The following LMCD1 variants were observed in gnomAD, a reference collection of about 807,000 sequenced individuals.
LMCD1 encodes LIM and cysteine-rich domains protein 1.
In LMCD1, 32 loss-of-function variants were observed where a neutral mutation model predicts 42.7. The ratio of observed to expected loss-of-function variants is 0.75; its 90% CI spans 0.57 to 1.01. LMCD1 has a LOEUF of 1.01. Ranked by LOEUF, LMCD1 falls within the 50% of genes least tolerant of loss-of-function variation. The pLI is 0.00. For missense variants in LMCD1, 458 were observed against 483.1 expected, an observed-to-expected ratio of 0.95 and a Z score of 0.49; for synonymous variants, 178 against 184.9, an observed-to-expected ratio of 0.96 and a Z score of 0.30.
intron 1 of LMCD1, among the ~76,000 whole-genome samples, chr3:8,527,415 A>T (rs1203019547): frequency 1.3e-5 from 2 of 152,176 alleles, no homozygotes; most frequent in African/African-American, 4.8e-5. Context: ...CTTCAGTGGG[A>T]AGTCATATTA....
At chr3:8,544,476 A>T (rs918408396) in intron 3 of LMCD1, among the ~76,000 whole-genome samples, 12 of 152,182 alleles carry the variant, frequency 7.9e-5, no homozygotes, top group Non-Finnish European at 1.6e-4. Flanking sequence ...GATTTAGGGC[A>T]GAGTGACCAA....
intron 1 of LMCD1, among the ~76,000 whole-genome samples, chr3:8,511,415 C>G (rs952008264): frequency 2.0e-5 from 3 of 152,286 alleles, no homozygotes; most frequent in Middle Eastern, 3.4e-3. Flanking sequence ...ATCTGATGGT[C>G]TCAGAAAAGG....
At chr3:8,547,577 G>A (rs1694759919) in intron 3 of LMCD1, among the ~76,000 whole-genome samples, 1 of 152,132 alleles carries the variant, frequency 6.6e-6, no homozygotes, top group East Asian at 1.9e-4. Flanking sequence ...AGGTGATGTT[G>A]TCTTTGTGTG....
intron 3 of LMCD1, among the ~76,000 whole-genome samples, chr3:8,540,358 C>G (rs893701095): frequency 6.6e-6 from 1 of 152,194 alleles, no homozygotes; most frequent in Non-Finnish European, 1.5e-5. Context: ...ATACTAGCCA[C>G]CATACTAGGA....
intron 1 of LMCD1, among the ~76,000 whole-genome samples, chr3:8,531,204 A>T (rs1299404707): frequency 6.6e-6 from 1 of 152,230 alleles, no homozygotes; most frequent in African/African-American, 2.4e-5. Context: ...GACTAGTAGC[A>T]TCCAAAGGAC....
chr3:8,541,769 A>G (rs1169084168), intron 3 of LMCD1, among the ~76,000 whole-genome samples: 1 of 151,922 alleles, frequency 6.6e-6, no homozygotes, highest in Non-Finnish European at 1.5e-5. Context: ...CAGGTCGTTG[A>G]CTCCGGCCCA....
At chr3:8,519,741 CA>C (rs59146036) in intron 1 of LMCD1, among the ~76,000 whole-genome samples, 9,993 of 109,260 alleles carry the variant, frequency 0.091, 627 homozygotes, top group African/African-American at 0.22. Flanking sequence ...CATATGATAG[CA>C]AAAAAAAAAA....
intron 1 of LMCD1, among the ~76,000 whole-genome samples, chr3:8,512,456 C>G (rs1032508465): frequency 2.0e-5 from 3 of 152,104 alleles, no homozygotes; most frequent in Non-Finnish European, 4.4e-5. Flanking sequence ...AAATAAAATC[C>G]CAGATGATTC....
At chr3:8,516,992 C>A (rs1694113409) in intron 1 of LMCD1, among the ~76,000 whole-genome samples, 1 of 152,208 alleles carries the variant, frequency 6.6e-6, no homozygotes, top group Non-Finnish European at 1.5e-5. Flanking sequence ...TCATTTTTTG[C>A]TGAATTTTAC....
In LMCD1 at chr3:8,569,980, CAA is replaced by C. The variant is rs57776112; in HGVS notation, c.*2396_*2397del. On this transcript the variant is annotated 3_prime_UTR_variant, in exon 6 of 6. Coordinates refer to ENST00000157600, the MANE Select transcript of LMCD1 (RefSeq NM_014583.4). ...GGGTGACAGAGTGAGACCCTGTTTC[CAA>C]AAAAAAAAAAAAAGGATAGGTTGCC... The C allele has an allele frequency of 3.3e-4, 46 of 138,528 alleles. No homozygotes were observed. The highest frequency in any genetic ancestry group is 5.3e-4 in the Non-Finnish European group (35 of 66,440). 8.6% of individuals were successfully genotyped at this position (138,528 alleles called of 1,614,324 possible). A position where few individuals can be genotyped will look rare whatever the true frequency, so the allele number is the denominator to read the frequency against.
intron 1 of LMCD1, among the ~76,000 whole-genome samples, chr3:8,502,326 T>A (rs1693755322): frequency 3.7e-5 from 1 of 27,166 alleles, no homozygotes; most frequent in African/African-American, 1.5e-4. Context: ...ATATATTATA[T>A]ATAATATATA....
chr3:8,502,297 TATATATA>T (rs1260310567), intron 1 of LMCD1, among the ~76,000 whole-genome samples: 7 of 8,968 alleles, frequency 7.8e-4, no homozygotes, highest in Middle Eastern at 0.12. Context: ...TAATATATAT[TATATATA>T]ATATATAAAA....
At chr3:8,554,944 G>T (rs889034565) in intron 4 of LMCD1, among the ~76,000 whole-genome samples, 4 of 152,068 alleles carry the variant, frequency 2.6e-5, no homozygotes, top group Admixed American at 2.0e-4. Context: ...TTCCTGCCGG[G>T]CGCCTCCCCG....
chr3:8,537,082 T>TA (rs1419205634), intron 2 of LMCD1, 103 bp from the exon 3 acceptor site: 1 of 1,358,834 alleles, frequency 7.4e-7, no homozygotes, highest in Non-Finnish European at 9.9e-7. Flanking sequence ...TTTTCCAACT[T>TA]AAAGTTTTAG....
chr3:8,528,869 T>A (rs1477173252), intron 1 of LMCD1, among the ~76,000 whole-genome samples: 1 of 152,154 alleles, frequency 6.6e-6, no homozygotes, highest in Non-Finnish European at 1.5e-5. Flanking sequence ...TCTCCTGGTC[T>A]AATCTAAGTC....
rs780054772 is a variant in LMCD1, at chr3:8,541,775, G to A, written c.387+4335G>A. On this transcript the variant is annotated intron_variant, in intron 3 of 5. Transcript: ENST00000157600. ...GAGCAGTGCCAGGTCGTTGACTCCG[G>A]CCCAAACCTCTGTCCCTGTCATCCC... is the stretch of plus-strand genomic sequence containing the variant. Among the ~76,000 whole-genome samples the A allele has an allele frequency of 5.7e-4, 87 of 152,252 alleles. 1 individual carries two copies. The highest frequency in any genetic ancestry group is 3.7e-3 in the Admixed American group (57 of 15,290).
chr3:8,512,087 A>G (rs1333124167), intron 1 of LMCD1, among the ~76,000 whole-genome samples: 2 of 152,232 alleles, frequency 1.3e-5, no homozygotes, highest in African/African-American at 4.8e-5. Flanking sequence ...ACATGAAAAC[A>G]CCGTTCAGAA....
At chr3:8,520,243 C>A (rs555134797) in intron 1 of LMCD1, among the ~76,000 whole-genome samples, 37 of 152,104 alleles carry the variant, frequency 2.4e-4, no homozygotes, top group African/African-American at 8.7e-4. Context: ...CACACACACA[C>A]CAAATGACAT....
rs1694494969 is a variant in LMCD1 at position 8,535,590 on chromosome 3, G to A, written c.132-1595G>A. ...TTAACCCACTGTTTTCCAAACTCAT[G>A]ACCACTAAGCACCAAGCCTTTTTCT... On this transcript the variant is annotated intron_variant, in intron 2 of 5. Coordinates refer to ENST00000157600, the MANE Select transcript of LMCD1 (RefSeq NM_014583.4). Among the ~76,000 whole-genome samples the A allele has an allele frequency of 2.0e-5, 3 of 152,188 alleles. No homozygotes were observed. In the South Asian group the frequency reaches 6.2e-4, roughly 32 times the overall value.
Sources: gnomAD v4.1 joint callset for allele counts (sites outside exome capture counted in the v4.1 genomes callset) on GRCh38, gnomAD v4.1.1 for gene constraint, MANE v1.5 for transcripts, NCBI Gene and HGNC (gene_info 2026-07-23, HGNC 2026-07-21) for gene names.